Variants in PTPRD observed in about 807,000 individuals in gnomAD.
The protein encoded by PTPRD is receptor-type tyrosine-protein phosphatase delta.
Under a neutral mutation model 214.5 loss-of-function variants are expected in PTPRD, and 34 were observed. The observed-to-expected ratio is 0.16, with a 90% confidence interval of 0.12 to 0.21. The LOEUF is 0.21. Ranked by LOEUF, PTPRD falls within the 10% of genes least tolerant of loss-of-function variation. The pLI, the probability that PTPRD is intolerant of heterozygous loss-of-function variation, is 1.00. For missense variants in PTPRD, 2,545 were observed against 2,398.7 expected (o/e 1.06, Z -1.27); for synonymous variants, 1,128 against 845.7 (o/e 1.33, Z -5.79).
At chr9:10,531,363 A>G (rs565010192) in intron 2 of PTPRD, among the ~76,000 whole-genome samples, 33 of 152,336 alleles carry the variant, frequency 2.2e-4, no homozygotes, top group Admixed American at 5.9e-4. Flanking sequence ...TCACCATACT[A>G]TGCAAAAATG....
At chr9:8,954,061 CTA>C (rs1472635906) in intron 11 of PTPRD, among the ~76,000 whole-genome samples, 1 of 151,972 alleles carries the variant, frequency 6.6e-6, no homozygotes, top group Non-Finnish European at 1.5e-5. Context: ...CATTGCAGTG[CTA>C]TTCACAATAG....
intron 2 of PTPRD, among the ~76,000 whole-genome samples, chr9:10,548,173 A>C (rs1434738839): frequency 6.6e-6 from 1 of 152,106 alleles, no homozygotes; most frequent in Non-Finnish European, 1.5e-5. Flanking sequence ...AGTTGGGCAA[A>C]AGTCTGGGAA....
intron 10 of PTPRD, among the ~76,000 whole-genome samples, chr9:9,109,125 C>A (rs1409970887): frequency 6.6e-6 from 1 of 152,098 alleles, no homozygotes; most frequent in African/African-American, 2.4e-5. Context: ...GGGAAGAATT[C>A]CAACAGTACC....
At chr9:9,284,516 T>G (rs1239991425) in intron 9 of PTPRD, among the ~76,000 whole-genome samples, 1 of 151,716 alleles carries the variant, frequency 6.6e-6, no homozygotes, top group East Asian at 2.0e-4. Flanking sequence ...TCACTCCCAC[T>G]GGCAAGGAAA....
Position 9,615,208 on chromosome 9 carries a change from G to T in PTPRD, c.-286-40427C>A, listed in dbSNP as rs539117771. Among the ~76,000 whole-genome samples the T allele has an allele frequency of 4.6e-5, 7 of 152,228 alleles. No individual in the cohort carries two copies. The East Asian group carries it at 1.2e-3, about 25-fold the overall frequency. ...CTAGCTGGCCTGCACTCAACCACCT[G>T]CGTCCCAGAGGCTCACAACACCAAG... On this transcript the variant is annotated intron_variant, in intron 7 of 45. Transcript: ENST00000381196.
At chr9:8,959,663 G>A (rs989078042) in intron 11 of PTPRD, among the ~76,000 whole-genome samples, 7 of 152,008 alleles carry the variant, frequency 4.6e-5, no homozygotes, top group Non-Finnish European at 5.9e-5. Flanking sequence ...TTTAGATGCA[G>A]TAAGTTGGGA....
At chr9:8,977,368 C>G (rs1040761526) in intron 11 of PTPRD, among the ~76,000 whole-genome samples, 3 of 152,082 alleles carry the variant, frequency 2.0e-5, no homozygotes, top group Admixed American at 6.6e-5. Flanking sequence ...CTGGGATATT[C>G]TCCCCTCTAT....
intron 3 of PTPRD, among the ~76,000 whole-genome samples, chr9:10,179,063 T>TA (rs1230838182): frequency 2.6e-5 from 4 of 151,950 alleles, no homozygotes; most frequent in Non-Finnish European, 4.4e-5. Flanking sequence ...ATGCTATAGA[T>TA]AAAATGCTAA....
chr9:10,199,911 G>GCACA (rs772202474), intron 3 of PTPRD, among the ~76,000 whole-genome samples: 6 of 82,840 alleles, frequency 7.2e-5, no homozygotes, highest in East Asian at 5.8e-4. Context: ...GCGCACACAC[G>GCACA]CACACACACA....
chr9:10,519,956 A>C (rs1171311801), intron 2 of PTPRD, among the ~76,000 whole-genome samples: 1 of 152,086 alleles, frequency 6.6e-6, no homozygotes, highest in Non-Finnish European at 1.5e-5. Flanking sequence ...CATTAGCCTA[A>C]TTACCAAAAA....
At chr9:10,584,154 T>C (rs1432443833) in intron 2 of PTPRD, among the ~76,000 whole-genome samples, 2 of 149,776 alleles carry the variant, frequency 1.3e-5, no homozygotes, top group Non-Finnish European at 3.0e-5. Context: ...ATATCACAAG[T>C]GCTCTAGCAT....
intron 25 of PTPRD, among the ~76,000 whole-genome samples, chr9:8,499,031 T>C (rs865815530): frequency 6.6e-6 from 1 of 152,212 alleles, no homozygotes; most frequent in Non-Finnish European, 1.5e-5. Context: ...TTAGTACCTT[T>C]TTTTTAAACC....
intron 12 of PTPRD, among the ~76,000 whole-genome samples, chr9:8,674,472 A>AT (rs2097359536): frequency 6.6e-6 from 1 of 151,210 alleles, no homozygotes; most frequent in African/African-American, 2.4e-5. Context: ...AAAAAAAAAA[A>AT]AAAAAAAAAA....
intron 11 of PTPRD, among the ~76,000 whole-genome samples, chr9:8,802,402 G>C (rs1011617853): frequency 5.3e-5 from 8 of 152,084 alleles, no homozygotes; most frequent in Non-Finnish European, 8.8e-5. Context: ...CACACCTAAA[G>C]GCCCTCAAAT....
intron 36 of PTPRD, among the ~76,000 whole-genome samples, chr9:8,397,026 C>G (rs965733323): frequency 6.6e-6 from 1 of 152,074 alleles, no homozygotes; most frequent in Non-Finnish European, 1.5e-5. Flanking sequence ...GAAAATGCTG[C>G]AGAAACCATG....
chr9:9,681,135 C>G (rs957453924), intron 7 of PTPRD, among the ~76,000 whole-genome samples: 1 of 151,734 alleles, frequency 6.6e-6, no homozygotes, highest in Non-Finnish European at 1.5e-5. Flanking sequence ...TACTCAAAGC[C>G]AATTTCCATT....
At chr9:9,149,961 G>C (rs951008984) in intron 10 of PTPRD, among the ~76,000 whole-genome samples, 6 of 152,138 alleles carry the variant, frequency 3.9e-5, no homozygotes, top group African/African-American at 1.2e-4. Context: ...ACTAAGTACA[G>C]GTAGTCCAGT....
intron 2 of PTPRD, among the ~76,000 whole-genome samples, chr9:10,562,996 G>A (rs2064455178): frequency 6.6e-6 from 1 of 152,224 alleles, no homozygotes; most frequent in Admixed American, 6.5e-5. Context: ...TAGAAATGAT[G>A]AGACATTAAG....
At chr9:8,885,849 T>G (rs541820671) in intron 11 of PTPRD, among the ~76,000 whole-genome samples, 1 of 152,300 alleles carries the variant, frequency 6.6e-6, no homozygotes, top group Non-Finnish European at 1.5e-5. Context: ...AAATGCTTTC[T>G]ATAATTATGA....
Sources: gnomAD v4.1 joint callset for allele counts (sites outside exome capture counted in the v4.1 genomes callset) on GRCh38, gnomAD v4.1.1 for gene constraint, MANE v1.5 for transcripts, NCBI Gene and HGNC (gene_info 2026-07-23, HGNC 2026-07-21) for gene names.